The following SLC22A14 variants were observed in gnomAD, a reference collection of about 807,000 sequenced individuals.
SLC22A14 encodes organic cation transporter-like 4.
A neutral mutation model predicts 53.9 loss-of-function variants in SLC22A14; 50 were observed. That is an observed-to-expected ratio of 0.93 (90% confidence interval 0.74 to 1.17). The LOEUF (loss-of-function observed/expected upper bound fraction) is 1.17. Ranked by LOEUF, SLC22A14 falls within the 50% of genes most tolerant of loss-of-function variation. SLC22A14 has a pLI of 0.00. For missense variants in SLC22A14, 671 were observed against 734.7 expected (o/e 0.91, Z 1.00); for synonymous variants, 312 against 303.0 (o/e 1.03, Z -0.31).
intron 1 of SLC22A14, chr3:38,304,026 A>C (rs898558470): frequency 6.6e-6 from 1 of 151,250 alleles, no homozygotes; most frequent in African/African-American, 2.4e-5. Flanking sequence ...ATCTCTACTA[A>C]AAAAAATACA....
At chr3:38,312,849 C>G (rs1704507165) in intron 5 of SLC22A14, 150 bp from the exon 6 acceptor site, 1 of 977,646 alleles carries the variant, frequency 1.0e-6, no homozygotes, top group African/African-American at 1.6e-5. Context: ...GAGCAGAGGG[C>G]AGCTCGAGGT....
At chr3:38,288,928 C>T (rs913958245) in intron 1 of SLC22A14, among the ~76,000 whole-genome samples, 1 of 151,832 alleles carries the variant, frequency 6.6e-6, no homozygotes, top group African/African-American at 2.4e-5. Flanking sequence ...ACCAGTAATC[C>T]CAGAACTTTG....
chr3:38,290,123 A>G (rs1238992600), intron 1 of SLC22A14, among the ~76,000 whole-genome samples: 2 of 152,186 alleles, frequency 1.3e-5, no homozygotes, highest in Admixed American at 1.3e-4. Context: ...TCACCTTCCC[A>G]GATAGGCTTA....
intron 1 of SLC22A14, among the ~76,000 whole-genome samples, chr3:38,301,849 C>T (rs1178092294): frequency 1.3e-5 from 2 of 151,126 alleles, no homozygotes; most frequent in African/African-American, 2.4e-5. Context: ...TTATCAAATG[C>T]GTTTTCTGCA....
rs1328076027 is a variant in SLC22A14 at position 38,313,709 on chromosome 3, C to T, written c.1164-18C>T. ...GTGCGCGCGTGTGCACGCGCACTTG[C>T]CTCCTGGCTTCATCCAGGTTTACCG... On this transcript the variant is annotated intron_variant, in intron 7 of 10. Transcript: ENST00000448498. The T allele has an allele frequency of 4.8e-6, 7 of 1,458,784 alleles. No homozygotes were observed. The highest frequency in any genetic ancestry group is 6.6e-6 in the Non-Finnish European group (7 of 1,066,772). 90.4% of individuals were successfully genotyped at this position (1,458,784 alleles called of 1,614,324 possible). A position where few individuals can be genotyped will look rare whatever the true frequency, so the allele number is the denominator to read the frequency against.
intron 1 of SLC22A14, among the ~76,000 whole-genome samples, chr3:38,298,330 C>T (rs1704083968): frequency 6.6e-6 from 1 of 152,130 alleles, no homozygotes; most frequent in East Asian, 1.9e-4. Flanking sequence ...ATTTAGGAAC[C>T]AATATCTGAG....
At position 38,308,063 on chromosome 3, in the gene SLC22A14, A is replaced by C. The variant is rs895003558; in HGVS notation, c.775+343A>C. The C allele has an allele frequency of 2.6e-5, 8 of 310,102 alleles. No homozygotes were observed. The South Asian group carries it at 3.2e-4, about 12-fold the overall frequency. 19.2% of individuals were successfully genotyped at this position (310,102 alleles called of 1,614,324 possible). A position where few individuals can be genotyped will look rare whatever the true frequency, so the allele number is the denominator to read the frequency against. ...ACACCTTCCACCGCATACTCTTTGCATACCCCCAAGCCCCATGGGTTACAT... is the reference window on the plus strand; with the variant it reads ...ACACCTTCCACCGCATACTCTTTGCCTACCCCCAAGCCCCATGGGTTACAT... On this transcript the variant is annotated intron_variant, in intron 4 of 10. Transcript: ENST00000448498.
At chr3:38,294,266 A>G (rs1703976559) in intron 1 of SLC22A14, among the ~76,000 whole-genome samples, 1 of 152,102 alleles carries the variant, frequency 6.6e-6, no homozygotes. Context: ...TAGGGCATAA[A>G]TCACACTTTT....
chr3:38,315,737 C>T lies in SLC22A14; in HGVS notation c.1532+26C>T, dbSNP rs1704602403. ...GTATGGGGTCTGGTGGGCGAGGGGG[C>T]CATGGGGACATGCGCAGGGAGTGAC... On this transcript the variant is annotated intron_variant, in intron 9 of 10. Transcript: ENST00000448498. 4 of 1,602,744 alleles carry T rather than the reference C, an allele frequency of 2.5e-6. No individual in the cohort carries two copies. In the Admixed American group the frequency reaches 5.0e-5, roughly 20 times the overall value.
chr3:38,301,893 ATC>A (rs1265851294), intron 1 of SLC22A14, among the ~76,000 whole-genome samples: 1 of 151,566 alleles, frequency 6.6e-6, no homozygotes, highest in East Asian at 1.9e-4. Context: ...TTCTCCATTG[ATC>A]TATTAAGTAT....
At chr3:38,278,861 C>T (rs868060476), upstream of SLC22A14, among the ~76,000 whole-genome samples, 9 of 148,808 alleles carry the variant, frequency 6.0e-5, no homozygotes, top group Non-Finnish European at 1.0e-4. Context: ...CTTAGATGGG[C>T]GCCCATAAAG....
At chr3:38,312,692 C>T (rs1704500245) in intron 5 of SLC22A14, among the ~76,000 whole-genome samples, 1 of 152,090 alleles carries the variant, frequency 6.6e-6, no homozygotes, top group Non-Finnish European at 1.5e-5. Context: ...GGGGTGGCCC[C>T]CTAGATAGAA....
At chr3:38,293,947 CAAAGG>C (rs1295698622) in intron 1 of SLC22A14, among the ~76,000 whole-genome samples, 1 of 152,172 alleles carries the variant, frequency 6.6e-6, no homozygotes, top group Admixed American at 6.5e-5. Flanking sequence ...CATGTCAGAT[CAAAGG>C]ATTGTCCTAA....
At chr3:38,282,912 C>A (rs1047785707) in intron 1 of SLC22A14, among the ~76,000 whole-genome samples, 1 of 152,160 alleles carries the variant, frequency 6.6e-6, no homozygotes. Context: ...AACAAATGCC[C>A]ACACTTAGTG....
intron 5 of SLC22A14, among the ~76,000 whole-genome samples, chr3:38,311,326 T>C (rs1048038021): frequency 6.6e-6 from 1 of 152,232 alleles, no homozygotes; most frequent in Non-Finnish European, 1.5e-5. Flanking sequence ...TGATCTCTAA[T>C]GTATCTTTGG....
intron 1 of SLC22A14, among the ~76,000 whole-genome samples, chr3:38,296,403 C>T (rs907933533): frequency 3.3e-5 from 5 of 152,184 alleles, no homozygotes; most frequent in Admixed American, 6.5e-5. Context: ...GTCTTAAGTC[C>T]GGCAGCCATG....
At chr3:38,312,464 G>A (rs1477901747) in intron 5 of SLC22A14, among the ~76,000 whole-genome samples, 1 of 152,234 alleles carries the variant, frequency 6.6e-6, no homozygotes, top group Non-Finnish European at 1.5e-5. Context: ...AGATGTGGCG[G>A]GGGAGAGATG....
chr3:38,301,289 G>A (rs894590916), intron 1 of SLC22A14, among the ~76,000 whole-genome samples: 2 of 152,190 alleles, frequency 1.3e-5, no homozygotes, highest in Non-Finnish European at 2.9e-5. Flanking sequence ...TTGTCCTTCA[G>A]AAAGGTTGTG....
chr3:38,317,787 T>C (rs1704662920), intron 10 of SLC22A14, among the ~76,000 whole-genome samples: 1 of 152,174 alleles, frequency 6.6e-6, no homozygotes. Context: ...AACAATCAAA[T>C]GCAAGGTAGG....
Sources: gnomAD v4.1 joint callset for allele counts (sites outside exome capture counted in the v4.1 genomes callset) on GRCh38, gnomAD v4.1.1 for gene constraint, MANE v1.5 for transcripts, NCBI Gene and HGNC (gene_info 2026-07-23, HGNC 2026-07-21) for gene names.